C12orf42: variants seen among roughly 807,000 people sequenced by gnomAD.
C12orf42 encodes uncharacterized protein C12orf42.
C12orf42 carries 25 observed loss-of-function variants against 21.6 expected under a neutral mutation model. That is an observed-to-expected ratio of 1.16 (90% CI 0.84 to 1.62). The LOEUF (loss-of-function observed/expected upper bound fraction) is 1.62. C12orf42 is among the 40% of genes most tolerant of loss of function. C12orf42 has a pLI of 0.00. For synonymous variants in C12orf42, 174 were observed against 175.0 expected, an observed-to-expected ratio of 0.99 and a Z score of 0.05; for missense variants, 483 against 459.3, an observed-to-expected ratio of 1.05 and a Z score of -0.47.
the C12orf42 span, among the ~76,000 whole-genome samples, chr12:103,107,657 G>T: frequency 6.6e-6 from 1 of 151,488 alleles, no homozygotes; most frequent in South Asian, 2.1e-4. Flanking sequence ...AAGGGGGAAA[G>T]ATTAAAAATG....
At chr12:103,493,441 C>T (rs1955309948) in intron 1 of C12orf42, among the ~76,000 whole-genome samples, 1 of 152,014 alleles carries the variant, frequency 6.6e-6, no homozygotes, top group South Asian at 2.1e-4. Context: ...ACCAGCCTTG[C>T]TTCAGTGACT....
At chr12:103,373,995 A>G (rs1411381670) in intron 3 of C12orf42, among the ~76,000 whole-genome samples, 1 of 152,186 alleles carries the variant, frequency 6.6e-6, no homozygotes, top group African/African-American at 2.4e-5. Flanking sequence ...CTTACCACTG[A>G]GGCATATGCA....
chr12:103,303,472 A>G (rs1335675952), intron 5 of C12orf42, among the ~76,000 whole-genome samples: 1 of 152,202 alleles, frequency 6.6e-6, no homozygotes, highest in Admixed American at 6.5e-5. Flanking sequence ...TAAAAAATGT[A>G]TGTGCTTTAA....
At chr12:103,098,161 G>T in the C12orf42 span, among the ~76,000 whole-genome samples, 3 of 152,320 alleles carry the variant, frequency 2.0e-5, no homozygotes, top group South Asian at 4.1e-4. Context: ...TAAATTTATG[G>T]TTCCGCCATG....
At chr12:103,189,747 G>A in the C12orf42 span, among the ~76,000 whole-genome samples, 1 of 152,142 alleles carries the variant, frequency 6.6e-6, no homozygotes, top group Non-Finnish European at 1.5e-5. Flanking sequence ...AATTTGCCTG[G>A]GCAACAGGCT....
At chr12:103,450,874 T>A (rs1365363397) in intron 2 of C12orf42, among the ~76,000 whole-genome samples, 1 of 152,156 alleles carries the variant, frequency 6.6e-6, no homozygotes, top group African/African-American at 2.4e-5. Context: ...CCAGAGGCCA[T>A]TTTGGAATTT....
At chr12:103,550,401 T>G in the C12orf42 span, 1 of 152,164 alleles carries the variant, frequency 6.6e-6, no homozygotes, top group African/African-American at 2.4e-5. Flanking sequence ...CCTAATATAC[T>G]GTTTATATAT....
chr12:103,336,392 C>A (rs2041698668), intron 4 of C12orf42, among the ~76,000 whole-genome samples: 2 of 152,204 alleles, frequency 1.3e-5, no homozygotes, highest in African/African-American at 4.8e-5. Context: ...ATTTAGAAAT[C>A]ATACATCCTG....
chr12:103,554,036 T>C, the C12orf42 span, among the ~76,000 whole-genome samples: 2,942 of 152,246 alleles, frequency 0.019, 109 homozygotes, highest in African/African-American at 0.068. Context: ...CACCTATTTT[T>C]ATATAGGTCA....
At chr12:103,360,377 G>T (rs1214407790) in intron 4 of C12orf42, among the ~76,000 whole-genome samples, 1 of 151,642 alleles carries the variant, frequency 6.6e-6, no homozygotes, top group Non-Finnish European at 1.5e-5. Flanking sequence ...AACTAAGTGA[G>T]TCCCTCATTC....
the C12orf42 span, among the ~76,000 whole-genome samples, chr12:103,127,106 T>C: frequency 0.57 from 86,334 of 152,062 alleles, 25,599 homozygotes; most frequent in East Asian, 0.82. Context: ...CACTGTCATA[T>C]AGAGCCAGGA....
chr12:103,118,640 T>C, the C12orf42 span, among the ~76,000 whole-genome samples: 3 of 151,588 alleles, frequency 2.0e-5, no homozygotes, highest in South Asian at 6.2e-4. Flanking sequence ...CTACTAAAAA[T>C]ACAAAAGATT....
chr12:103,364,587 T>TTAG (rs1460495353), intron 4 of C12orf42, among the ~76,000 whole-genome samples: 5 of 151,724 alleles, frequency 3.3e-5, no homozygotes, highest in African/African-American at 1.2e-4. Context: ...TAATAGACCA[T>TTAG]TAGCAAGATT....
At chr12:103,162,365 G>A in the C12orf42 span, among the ~76,000 whole-genome samples, 1 of 152,286 alleles carries the variant, frequency 6.6e-6, no homozygotes, top group East Asian at 1.9e-4. Flanking sequence ...ATCATGGAAA[G>A]AGTGCTCAGG....
chr12:103,524,097 G>A, the C12orf42 span, among the ~76,000 whole-genome samples: 1 of 152,190 alleles, frequency 6.6e-6, no homozygotes, highest in Admixed American at 6.5e-5. Context: ...GGTTTAAGGT[G>A]TAACAGAATC....
intron 4 of C12orf42, among the ~76,000 whole-genome samples, chr12:103,345,650 T>C (rs1281107846): frequency 6.6e-6 from 1 of 152,202 alleles, no homozygotes; most frequent in Non-Finnish European, 1.5e-5. Context: ...TTGAATTTTA[T>C]AGAAGCAAGC....
chr12:103,291,606 G>A (rs1243971870), intron 4 of C12orf42, among the ~76,000 whole-genome samples: 2 of 152,158 alleles, frequency 1.3e-5, no homozygotes, highest in South Asian at 2.1e-4. Flanking sequence ...ATTATTCACA[G>A]ATTTTCTAGA....
At chr12:103,301,781 TG>T (rs988901924), downstream of C12orf42, among the ~76,000 whole-genome samples, 1 of 152,188 alleles carries the variant, frequency 6.6e-6, no homozygotes, top group Non-Finnish European at 1.5e-5. Context: ...ACCGTTTACC[TG>T]CGAAAGCAAA....
At chr12:103,387,564 C>T (rs1027474159) in intron 3 of C12orf42, among the ~76,000 whole-genome samples, 13 of 152,222 alleles carry the variant, frequency 8.5e-5, no homozygotes, top group African/African-American at 3.1e-4. Context: ...GGCCTCAAGC[C>T]AACATCCCTC....
Sources: gnomAD v4.1 joint callset for allele counts (sites outside exome capture counted in the v4.1 genomes callset) on GRCh38, gnomAD v4.1.1 for gene constraint, MANE v1.5 for transcripts, NCBI Gene and HGNC (gene_info 2026-07-23, HGNC 2026-07-21) for gene names.